The following GOLGA8S variants were observed in gnomAD, a reference collection of about 807,000 sequenced individuals.
GOLGA8S encodes golgin subfamily A member 8S.
Under a neutral mutation model 58.9 loss-of-function variants are expected in GOLGA8S, and 23 were observed. The ratio of observed to expected loss-of-function variants is 0.39; its 90% CI spans 0.28 to 0.55. The LOEUF (loss-of-function observed/expected upper bound fraction) is 0.55, where lower values mean the gene tolerates loss of function less well. GOLGA8S is among the 20% of genes least tolerant of loss of function. The probability of loss-of-function intolerance (pLI) is 0.63; values close to 1 mark genes in which losing one functional copy is unlikely to be tolerated. For synonymous variants in GOLGA8S, 84 were observed against 195.7 expected, an observed-to-expected ratio of 0.43 and a Z score of 4.76; for missense variants, 266 against 514.2, an observed-to-expected ratio of 0.52 and a Z score of 4.67.
exon 8 of GOLGA8S, chr15:23,359,189 CAGA>C (rs772895870): frequency 1.5e-5 from 10 of 679,802 alleles, no homozygotes; most frequent in East Asian, 7.7e-5. Flanking sequence ...CACCGCCACA[CAGA>C]AGAAGAAGGC....
chr15:23,368,483 T>TA (rs1220349096), downstream of GOLGA8S, among the ~76,000 whole-genome samples: 6 of 151,792 alleles, frequency 4.0e-5, no homozygotes, highest in Admixed American at 1.3e-4. Context: ...AAACACAAAA[T>TA]AAAAAAGTTA....
At position 23,360,653 on chromosome 15, in the gene GOLGA8S, G is replaced by T. The variant is rs550504338; in HGVS notation, c.787-75G>T. 88 of 1,245,674 alleles carry T rather than the reference G, an allele frequency of 7.1e-5. 12 individuals carry two copies. The Middle Eastern group carries it at 9.5e-4, about 14-fold the overall frequency. The allele number at this position is 1,245,674 out of a possible 1,614,324, so 77.2% of individuals were successfully genotyped here. A position where few individuals can be genotyped will look rare whatever the true frequency, so the allele number is the denominator to read the frequency against. On this transcript the variant is annotated intron_variant, in intron 10 of 18. Transcript: ENST00000562295. ...GGGACTGGGCTTTGTGGAGGTGGGG[G>T]CAGAGAGGGAGAGGGCAGCCTGTCC... is the stretch of plus-strand genomic sequence containing the variant.
At position 23,362,782 on chromosome 15, in the gene GOLGA8S, C is replaced by T. The variant is rs972123439; in HGVS notation, c.1180-383C>T. ...GTGCCCTCGCTACCCTATTAATGGG[C>T]CCAGAATCTGCAAACCAGCCACCAT... On this transcript the variant is annotated intron_variant, in intron 13 of 18. Transcript: ENST00000562295. Among the ~76,000 whole-genome samples, 13 of 144,066 alleles carry T rather than the reference C, an allele frequency of 9.0e-5. 2 individuals carry two copies. The highest frequency in any genetic ancestry group is 2.1e-4 in the Admixed American group (3 of 14,620). 94.5% of individuals were successfully genotyped at this position (144,066 alleles called of 152,430 possible). A position where few individuals can be genotyped will look rare whatever the true frequency, so the allele number is the denominator to read the frequency against.
chr15:23,363,775 C>T lies in GOLGA8S; in HGVS notation c.1347+6C>T, dbSNP rs1399970245. 8.6e-6 allele frequency: 5 copies of T among 582,736 alleles called. 2 individuals carry two copies. The Admixed American group carries it at 1.4e-4, about 16-fold the overall frequency. 36.1% of individuals were successfully genotyped at this position (582,736 alleles called of 1,614,324 possible). A position where few individuals can be genotyped will look rare whatever the true frequency, so the allele number is the denominator to read the frequency against. On this transcript the variant is annotated splice_donor_region_variant and intron_variant, in intron 15 of 18. Transcript: ENST00000562295. Reference sequence around the variant, plus strand: ...TGGAGAGCAGGGAGGCCATGGTGAGCCTGACTCCCCCTGCACCCATTTTGC... The same window carrying T: ...TGGAGAGCAGGGAGGCCATGGTGAGTCTGACTCCCCCTGCACCCATTTTGC...
At chr15:23,357,990 A>G (rs2069714972) in intron 4 of GOLGA8S, among the ~76,000 whole-genome samples, 1 of 142,396 alleles carries the variant, frequency 7.0e-6, no homozygotes, top group Non-Finnish European at 1.6e-5. Flanking sequence ...TCATGTTTCC[A>G]TGAAGTAGTG....
downstream of GOLGA8S, chr15:23,366,503 C>G (rs1260555839): frequency 6.6e-6 from 1 of 152,006 alleles, no homozygotes; most frequent in South Asian, 2.1e-4. Context: ...GTTTATGAAA[C>G]TTAAAATGTG....
rs4036679 is a variant in GOLGA8S, at chr15:23,364,409, C to T, written c.1414C>T (p.Arg472Cys). ...TGAGCTGGTGAAGAAACAAGAACTTCGCTTCATTCAATACTGGCAAGAGAG... is the reference window on the plus strand; with the variant it reads ...TGAGCTGGTGAAGAAACAAGAACTTTGCTTCATTCAATACTGGCAAGAGAG... The change falls in exon 16 of 19, where the codon CGC (arginine) becomes TGC (cysteine). Residue 472 changes from arginine (R) to cysteine (C), a missense_variant. Transcript: ENST00000562295. 4.1e-5 allele frequency: 66 copies of T among 1,604,316 alleles called. 2 individuals are homozygous for T. The highest frequency in any genetic ancestry group is 1.7e-4 in the Middle Eastern group (1 of 5,778).
chr15:23,356,194 T>G (rs778469583), intron 1 of GOLGA8S, among the ~76,000 whole-genome samples: 3,793 of 143,956 alleles, frequency 0.026, 316 homozygotes, highest in Middle Eastern at 0.041. Context: ...GATATAAGAG[T>G]TTGAGAGGTA....
intron 15 of GOLGA8S, among the ~76,000 whole-genome samples, 196 bp from the exon 16 acceptor site, chr15:23,364,147 G>C (rs2069862077): frequency 7.2e-6 from 1 of 138,038 alleles, no homozygotes; most frequent in South Asian, 2.9e-4. Context: ...GGCCCAGAAG[G>C]AGCCAGAGGC....
rs761018503 is a variant in GOLGA8S, at chr15:23,364,328, A to T, written c.1348-15A>T. On this transcript the variant is annotated splice_polypyrimidine_tract_variant and intron_variant, in intron 15 of 18. Coordinates refer to ENST00000562295, the Ensembl canonical transcript of GOLGA8S. ...AGGTCGCTGCCGAGATGTGACTACA[A>T]TATTTTGGCTCCAGAGCAGCTTTAT... The T allele has an allele frequency of 1.1e-4, 171 of 1,599,928 alleles. 1 individual carries two copies. The highest frequency in any genetic ancestry group is 6.3e-4 in the East Asian group (28 of 44,786).
Position 23,364,517 on chromosome 15 carries a change from C to G in GOLGA8S, c.1449-9C>G. The G allele has an allele frequency of 1.9e-6, 3 of 1,603,316 alleles. No homozygotes were observed. The highest frequency in any genetic ancestry group is 1.1e-5 in the South Asian group (1 of 90,524). Reference sequence around the variant, plus strand: ...GGGGCCCCAGCGTCTGAGCCCTGTCCTCCCGCAGGAAAATCCATCACCTTT... The same window carrying G: ...GGGGCCCCAGCGTCTGAGCCCTGTCGTCCCGCAGGAAAATCCATCACCTTT... On this transcript the variant is annotated splice_polypyrimidine_tract_variant and intron_variant, in intron 16 of 18. Coordinates refer to ENST00000562295, the Ensembl canonical transcript of GOLGA8S.
In GOLGA8S at chr15:23,361,308, C is replaced by T. The variant is rs769969157; in HGVS notation, c.962C>T (p.Ala321Val). The T allele has an allele frequency of 6.1e-3, 8,111 of 1,326,480 alleles. 173 individuals carry two copies. The highest frequency in any genetic ancestry group is 7.5e-3 in the Non-Finnish European group (6,999 of 930,226). The allele number at this position is 1,326,480 out of a possible 1,614,324, so 82.2% of individuals were successfully genotyped here. Residue 321 changes from alanine (A) to valine (V), a missense_variant, in exon 12 of 19, where the codon GCG becomes GTG. By Grantham distance (64) the Ala-to-Val change is moderately conservative. Transcript: ENST00000562295. ...AAGGAACTAGAGAGAGTGGCAGGAGCGCTCCAGGCCCAGGTGGAGTACAAT... is the reference window on the plus strand; with the variant it reads ...AAGGAACTAGAGAGAGTGGCAGGAGTGCTCCAGGCCCAGGTGGAGTACAAT...
At chr15:23,360,596 A>C in intron 10 of GOLGA8S, 64 bp downstream of exon 10, 1 of 1,100,088 alleles carries the variant, frequency 9.1e-7, no homozygotes, top group East Asian at 2.4e-5. Context: ...GGGCACCTGT[A>C]AAATGGGAAT....
exon 17 of GOLGA8S, chr15:23,364,535 T>A: frequency 1.3e-6 from 2 of 1,599,854 alleles, no homozygotes; most frequent in Non-Finnish European, 1.7e-6. Flanking sequence ...GGAAAATCCA[T>A]CACCTTTTAT....
intron 11 of GOLGA8S, 87 bp from the exon 12 acceptor site, chr15:23,361,134 T>TTGTCTTGTCTTGTCTTGTC (rs2069784747): frequency 1.3e-6 from 1 of 792,260 alleles, no homozygotes; most frequent in African/African-American, 2.2e-5. Flanking sequence ...AGAGGAGGGT[T>TTGTCTTGTCTTGTCTTGTC]TTTTCTTTTC....
chr15:23,365,551 T>G (rs2069906738), downstream of GOLGA8S: 1 of 299,374 alleles, frequency 3.3e-6, no homozygotes, highest in African/African-American at 2.3e-5. Context: ...GCCTATGTTC[T>G]GCTGTTGTTT....
At chr15:23,367,663 G>A (rs1286405942), downstream of GOLGA8S, among the ~76,000 whole-genome samples, 2 of 151,920 alleles carry the variant, frequency 1.3e-5, no homozygotes, top group East Asian at 3.9e-4. Flanking sequence ...AGTGCATGCA[G>A]TCTTTTGCGA....
chr15:23,356,853 A>AT (rs2069694178), intron 2 of GOLGA8S, 143 bp downstream of exon 2: 1 of 187,364 alleles, frequency 5.3e-6, no homozygotes, highest in African/African-American at 2.7e-5. Context: ...AGGGATATGA[A>AT]TTAGGGCAAG....
chr15:23,356,174 A>G (rs533470331), intron 1 of GOLGA8S, among the ~76,000 whole-genome samples: 7 of 144,280 alleles, frequency 4.9e-5, no homozygotes, highest in Non-Finnish European at 9.4e-5. Flanking sequence ...TTCTGCCATG[A>G]GGACACATTG....
Sources: allele counts gnomAD v4.1 joint callset (sites outside exome capture counted in the v4.1 genomes callset), GRCh38; gene constraint gnomAD v4.1.1; transcripts MANE v1.5; gene names NCBI Gene and HGNC (gene_info 2026-07-23, HGNC 2026-07-21).